Variants in USH2A observed in about 807,000 individuals in gnomAD.
USH2A encodes the protein Usher syndrome 2A (autosomal recessive, mild).
A neutral mutation model predicts 538.9 loss-of-function variants in USH2A; 443 were observed. The ratio of observed to expected loss-of-function variants is 0.82; its 90% CI spans 0.76 to 0.89. The LOEUF is 0.89. Ranked by LOEUF, USH2A falls within the 40% of genes least tolerant of loss-of-function variation. The probability of loss-of-function intolerance (pLI) is 0.00; values close to 1 mark genes in which losing one functional copy is unlikely to be tolerated. For synonymous variants in USH2A, 2,413 were observed against 2,273.5 expected, an observed-to-expected ratio of 1.06 and a Z score of -1.75; for missense variants, 6,633 against 6,324.8, an observed-to-expected ratio of 1.05 and a Z score of -1.65.
intron 60 of USH2A, among the ~76,000 whole-genome samples, chr1:215,737,526 T>C (rs972704485): frequency 1.1e-4 from 16 of 151,936 alleles, no homozygotes; most frequent in Admixed American, 2.0e-4. Flanking sequence ...TTTTCCACTA[T>C]ATATTTTACT....
At chr1:215,748,191 C>G (rs1221546473) in intron 58 of USH2A, among the ~76,000 whole-genome samples, 1 of 152,138 alleles carries the variant, frequency 6.6e-6, no homozygotes, top group Non-Finnish European at 1.5e-5. Flanking sequence ...TGCTTTGCCA[C>G]CAGGCTGGAG....
intron 35 of USH2A, among the ~76,000 whole-genome samples, chr1:215,984,316 C>T (rs1004392463): frequency 1.3e-5 from 2 of 152,224 alleles, no homozygotes; most frequent in African/African-American, 2.4e-5. Context: ...AAAACTGTAA[C>T]ATGCCATGTG....
intron 64 of USH2A, among the ~76,000 whole-genome samples, chr1:215,663,094 C>T (rs1390132036): frequency 2.0e-5 from 3 of 152,128 alleles, no homozygotes; most frequent in Admixed American, 6.5e-5. Flanking sequence ...AACTTCCTAG[C>T]GGAAGGAGTA....
chr1:215,939,931 C>T (rs1043781144), intron 37 of USH2A, among the ~76,000 whole-genome samples: 1 of 152,060 alleles, frequency 6.6e-6, no homozygotes, highest in African/African-American at 2.4e-5. Context: ...CAGCGTAGTC[C>T]TGTACAGTAT....
At chr1:215,759,346 T>C (rs1263488466) in intron 57 of USH2A, among the ~76,000 whole-genome samples, 1 of 152,134 alleles carries the variant, frequency 6.6e-6, no homozygotes, top group Admixed American at 6.6e-5. Flanking sequence ...TACATCTCTT[T>C]TATTGCTAGT....
intron 61 of USH2A, among the ~76,000 whole-genome samples, chr1:215,721,560 T>C (rs1169682392): frequency 6.6e-6 from 1 of 152,148 alleles, no homozygotes; most frequent in East Asian, 1.9e-4. Context: ...CTTTCAAAGA[T>C]GTAATTACAT....
intron 11 of USH2A, among the ~76,000 whole-genome samples, chr1:216,273,786 G>A (rs2036617993): frequency 6.8e-6 from 1 of 146,468 alleles, no homozygotes; most frequent in African/African-American, 2.5e-5. Context: ...AATAGAGAAT[G>A]CTTACCCCAA....
At chr1:215,754,125 G>A (rs1279908581) in intron 58 of USH2A, among the ~76,000 whole-genome samples, 1 of 152,168 alleles carries the variant, frequency 6.6e-6, no homozygotes, top group Non-Finnish European at 1.5e-5. Flanking sequence ...TGGGGATAAT[G>A]ATATTATTAC....
At chr1:215,998,774 T>C in intron 34 of USH2A, 113 bp downstream of exon 34, 4 of 1,210,254 alleles carry the variant, frequency 3.3e-6, no homozygotes, top group Admixed American at 3.9e-5. Flanking sequence ...CAGCAATACA[T>C]GAAGATTTTG....
At chr1:216,398,531 A>AAC (rs950867573) in intron 3 of USH2A, among the ~76,000 whole-genome samples, 18 of 129,896 alleles carry the variant, frequency 1.4e-4, no homozygotes, top group African/African-American at 4.5e-4. Flanking sequence ...GGAAAAACCA[A>AAC]ACACACACAC....
Position 216,249,535 on chromosome 1 carries a change from C to T in USH2A, c.2167+1368G>A, listed in dbSNP as rs912912964. On this transcript the variant is annotated intron_variant, in intron 12 of 71. Coordinates refer to ENST00000307340, the MANE Select transcript of USH2A (RefSeq NM_206933.4). ...ATTCAGGGTCTTAGAATTCCTTCAG[C>T]ATCATGGATAGCACATACAAATATG... Among the ~76,000 whole-genome samples the T allele has an allele frequency of 2.0e-5, 3 of 152,258 alleles. 1 individual carries two copies. In the South Asian group the frequency reaches 6.2e-4, roughly 32 times the overall value.
intron 30 of USH2A, among the ~76,000 whole-genome samples, chr1:216,064,891 A>G (rs2031299840): frequency 6.6e-6 from 1 of 152,300 alleles, no homozygotes; most frequent in South Asian, 2.1e-4. Flanking sequence ...GAACATATCC[A>G]TCCTTTAGCA....
chr1:215,861,782 C>A (rs1442549361), intron 44 of USH2A, among the ~76,000 whole-genome samples: 1 of 150,640 alleles, frequency 6.6e-6, no homozygotes, highest in Non-Finnish European at 1.5e-5. Context: ...AGGGGCAAGG[C>A]TATCACTAAA....
In USH2A at chr1:215,624,444, A is replaced by G. The variant is rs141823529; in HGVS notation, c.*1337T>C. 6.2e-4 allele frequency: 95 copies of G among 152,294 alleles called. No individual in the cohort carries two copies. Among genetic ancestry groups the G allele is most frequent in the African/African-American group, 2.0e-3 (85 of 41,576 alleles). The allele number at this position is 152,294 out of a possible 1,614,324, so 9.4% of individuals were successfully genotyped here. A position where few individuals can be genotyped will look rare whatever the true frequency, so the allele number is the denominator to read the frequency against. ...GCCTGTCTCTGGTTGTAGATTCACA[A>G]AAAGTATTGTGACTATTGTGTGTTA... On this transcript the variant is annotated 3_prime_UTR_variant, in exon 72 of 72. Transcript: ENST00000307340.
intron 58 of USH2A, among the ~76,000 whole-genome samples, chr1:215,743,803 G>A (rs1466508486): frequency 1.1e-4 from 16 of 143,902 alleles, no homozygotes; most frequent in African/African-American, 4.1e-4. Context: ...CTGGGCGACA[G>A]AGTGAGACTC....
At chr1:216,050,560 T>TTTTCTTTCTTTCTC (rs779228264) in intron 30 of USH2A, among the ~76,000 whole-genome samples, 14 of 35,696 alleles carry the variant, frequency 3.9e-4, no homozygotes, top group African/African-American at 1.0e-3. Context: ...ATTTGTATCT[T>TTTTCTTTCTTTCTC]TTTCTTTCTT....
At chr1:216,264,302 AT>A (rs1003186617) in intron 11 of USH2A, among the ~76,000 whole-genome samples, 1,663 of 145,638 alleles carry the variant, frequency 0.011, 22 homozygotes, top group African/African-American at 0.028. Context: ...AGACAAAGCA[AT>A]TTTTTTTTTT....
intron 3 of USH2A, among the ~76,000 whole-genome samples, chr1:216,367,193 T>C (rs2038615848): frequency 6.6e-6 from 1 of 152,168 alleles, no homozygotes; most frequent in South Asian, 2.1e-4. Flanking sequence ...CAATCTAACA[T>C]ATACATGTTT....
chr1:216,010,555 C>T (rs1169188057), intron 32 of USH2A, among the ~76,000 whole-genome samples: 4 of 151,750 alleles, frequency 2.6e-5, no homozygotes, highest in Admixed American at 2.0e-4. Context: ...AGGGTAAGTC[C>T]ATCCCCTTCT....
Sources: gnomAD v4.1 joint callset for allele counts (sites outside exome capture counted in the v4.1 genomes callset) on GRCh38, gnomAD v4.1.1 for gene constraint, MANE v1.5 for transcripts, NCBI Gene and HGNC (gene_info 2026-07-23, HGNC 2026-07-21) for gene names.